The following RP1 variants were observed in gnomAD, a reference collection of about 807,000 sequenced individuals.
The protein encoded by RP1 is oxygen-regulated protein 1.
Under a neutral mutation model 14.8 loss-of-function variants are expected in RP1, and 16 were observed. The observed-to-expected ratio is 1.08, with a 90% CI of 0.73 to 1.65. RP1 has a LOEUF of 1.65. RP1 is among the 40% of genes most tolerant of loss of function. The probability of loss-of-function intolerance (pLI) is 0.00; values close to 1 mark genes in which losing one functional copy is unlikely to be tolerated. For missense variants in RP1, 2,631 were observed against 2,535.0 expected (o/e 1.04, Z -0.81); for synonymous variants, 876 against 883.6 (o/e 0.99, Z 0.15).
intron 27 of RP1, among the ~76,000 whole-genome samples, chr8:54,862,918 G>A (rs1812377369): frequency 6.6e-6 from 1 of 151,894 alleles, no homozygotes; most frequent in Non-Finnish European, 1.5e-5. Flanking sequence ...TCTAGTTAGT[G>A]TTATTTTTAA....
At chr8:54,722,667 AGTT>A (rs1808565002) in intron 16 of RP1, among the ~76,000 whole-genome samples, 2 of 152,152 alleles carry the variant, frequency 1.3e-5, no homozygotes, top group African/African-American at 4.8e-5. Context: ...CCCCCGAAAA[AGTT>A]AAGCTGAAAC....
At chr8:54,651,484 A>T (rs962141567) in intron 4 of RP1, among the ~76,000 whole-genome samples, 5 of 150,896 alleles carry the variant, frequency 3.3e-5, no homozygotes, top group African/African-American at 1.2e-4. Context: ...TCTTCGAGTC[A>T]CTTTTGGTGG....
At chr8:54,607,287 G>A (rs534054695) in intron 1 of RP1, among the ~76,000 whole-genome samples, 131 of 152,316 alleles carry the variant, frequency 8.6e-4, no homozygotes, top group African/African-American at 2.8e-3. Flanking sequence ...CTGCAGGTCT[G>A]TTGGAGTTTC....
chr8:54,697,701 C>G (rs946035294), intron 12 of RP1, among the ~76,000 whole-genome samples: 5 of 152,110 alleles, frequency 3.3e-5, no homozygotes, highest in Non-Finnish European at 5.9e-5. Context: ...ATATGTAGAC[C>G]AATGAAACAG....
chr8:54,707,933 A>G (rs926350626), intron 15 of RP1, among the ~76,000 whole-genome samples: 2 of 152,206 alleles, frequency 1.3e-5, no homozygotes, highest in Admixed American at 6.5e-5. Flanking sequence ...TAGTCTTTAC[A>G]CTGGTAAGTG....
chr8:54,569,522 A>G (rs1804476714), intron 1 of RP1, among the ~76,000 whole-genome samples: 1 of 152,248 alleles, frequency 6.6e-6, no homozygotes, highest in Non-Finnish European at 1.5e-5. Context: ...CTGATATTAT[A>G]CATTATTCTC....
At position 54,758,893 on chromosome 8, in the gene RP1, TG is replaced by T. The variant is rs780685637; in HGVS notation, c.3094-26del. ...ATGCCTCGGACTCTAGTTATTTCTG[TG>T]GGTTTTTTTCTCTGTCTCCTGCACC... is the stretch of plus-strand genomic sequence containing the variant. On this transcript the variant is annotated intron_variant, in intron 21 of 22. Transcript: ENST00000636932. 100 of 1,534,018 alleles carry T rather than the reference TG, an allele frequency of 6.5e-5. No individual in the cohort carries two copies. The South Asian group carries it at 1.0e-3, about 16-fold the overall frequency.
downstream of RP1, among the ~76,000 whole-genome samples, chr8:54,633,564 G>A (rs1806289069): frequency 6.6e-6 from 1 of 151,966 alleles, no homozygotes; most frequent in Non-Finnish European, 1.5e-5. Context: ...GAAAATACTT[G>A]TAAAACTCTT....
chr8:54,833,302 A>G (rs1464360325), intron 24 of RP1, among the ~76,000 whole-genome samples: 1 of 151,942 alleles, frequency 6.6e-6, no homozygotes, highest in East Asian at 1.9e-4. Flanking sequence ...AAAAAGCTAT[A>G]CAAATATAGA....
At chr8:54,845,095 T>C (rs1188857916) in intron 25 of RP1, among the ~76,000 whole-genome samples, 2 of 152,166 alleles carry the variant, frequency 1.3e-5, no homozygotes, top group Non-Finnish European at 2.9e-5. Context: ...GACCTGGGTC[T>C]AGGAGATGTG....
chr8:54,836,761 G>A (rs746764832), intron 24 of RP1, among the ~76,000 whole-genome samples: 20 of 152,140 alleles, frequency 1.3e-4, no homozygotes, highest in Non-Finnish European at 2.6e-4. Context: ...TCTGACTCAT[G>A]GAATTGGAAG....
chr8:54,858,470 G>A (rs1812258378), intron 27 of RP1, among the ~76,000 whole-genome samples: 1 of 152,102 alleles, frequency 6.6e-6, no homozygotes, highest in Non-Finnish European at 1.5e-5. Context: ...GTAGAGCACT[G>A]TCACTGTAGA....
chr8:54,727,857 C>T (rs915445406), intron 17 of RP1, among the ~76,000 whole-genome samples: 11 of 151,490 alleles, frequency 7.3e-5, no homozygotes, highest in African/African-American at 1.9e-4. Flanking sequence ...CCAGAGCATA[C>T]GAGACACAAA....
intron 19 of RP1, among the ~76,000 whole-genome samples, chr8:54,740,078 A>G (rs1809035539): frequency 6.7e-6 from 1 of 148,620 alleles, no homozygotes; most frequent in African/African-American, 2.5e-5. Flanking sequence ...TATATTTTAT[A>G]TATATACATA....
intron 3 of RP1, among the ~76,000 whole-genome samples, chr8:54,643,761 G>A (rs1806494098): frequency 6.6e-6 from 1 of 152,052 alleles, no homozygotes; most frequent in African/African-American, 2.4e-5. Context: ...TGAAGTCCTT[G>A]GCATTCTTTG....
exon 23 of RP1, chr8:54,769,880 A>T: frequency 1.1e-6 from 1 of 947,530 alleles, no homozygotes; most frequent in Non-Finnish European, 1.6e-6. Flanking sequence ...ACTATTCCCC[A>T]GTTTTCCTCA....
chr8:54,593,231 C>T (rs142569998), intron 1 of RP1, among the ~76,000 whole-genome samples: 137 of 152,262 alleles, frequency 9.0e-4, no homozygotes, highest in Non-Finnish European at 4.4e-4. Context: ...TTTAATCTGC[C>T]ATCAAGGTCT....
chr8:54,646,214 G>A (rs1265781885), intron 3 of RP1, among the ~76,000 whole-genome samples: 3 of 150,476 alleles, frequency 2.0e-5, no homozygotes, highest in South Asian at 4.3e-4. Context: ...ATAAAGTTTT[G>A]TACTTTCTTT....
At chr8:54,682,199 G>A (rs1242543350) in intron 12 of RP1, among the ~76,000 whole-genome samples, 6 of 151,700 alleles carry the variant, frequency 4.0e-5, no homozygotes, top group Admixed American at 1.3e-4. Context: ...AACCTCACCA[G>A]CATCTGTTGT....
Sources: allele counts gnomAD v4.1 joint callset (sites outside exome capture counted in the v4.1 genomes callset), GRCh38; gene constraint gnomAD v4.1.1; transcripts MANE v1.5; gene names NCBI Gene and HGNC (gene_info 2026-07-23, HGNC 2026-07-21).